Variants in SENP8 observed in about 807,000 individuals in gnomAD.
SENP8 encodes the protein SUMO peptidase family member, NEDD8 specific.
In SENP8, 10 loss-of-function variants were observed where a neutral mutation model predicts 14.4. The observed-to-expected ratio is 0.69, with a 90% CI of 0.43 to 1.18. The LOEUF (loss-of-function observed/expected upper bound fraction) is 1.18, where lower values mean the gene tolerates loss of function less well. Among genes scored for constraint, SENP8 ranks in the 50% most tolerant of loss-of-function variants. The probability of loss-of-function intolerance (pLI) is 0.00; values close to 1 mark genes in which losing one functional copy is unlikely to be tolerated. For synonymous variants in SENP8, 94 were observed against 95.5 expected, an observed-to-expected ratio of 0.98 and a Z score of 0.09; for missense variants, 202 against 249.4, an observed-to-expected ratio of 0.81 and a Z score of 1.28.
At chr15:72,131,147 T>C (rs779485701) in intron 1 of SENP8, among the ~76,000 whole-genome samples, 1 of 152,182 alleles carries the variant, frequency 6.6e-6, no homozygotes, top group Non-Finnish European at 1.5e-5. Context: ...AAGGATGCAG[T>C]GAGCTATAAT....
intron 1 of SENP8, among the ~76,000 whole-genome samples, chr15:72,126,389 C>T (rs1178716781): frequency 2.6e-5 from 4 of 151,690 alleles, no homozygotes; most frequent in Non-Finnish European, 4.4e-5. Context: ...GCTGAGAGGC[C>T]GAGGTGGGTG....
chr15:72,117,747 C>T (rs1295583019), upstream of SENP8: 1 of 397,824 alleles, frequency 2.5e-6, no homozygotes, highest in Admixed American at 4.4e-5. Context: ...CCACCCTCCG[C>T]CCCAGGGTAG....
At position 72,141,261 on chromosome 15, in the gene SENP8, G is replaced by T. The variant is rs866969550; in HGVS notation, c.*999G>T. The T allele has an allele frequency of 1.6e-4, 25 of 152,192 alleles. 1 individual carries two copies. The highest frequency in any genetic ancestry group is 9.8e-4 in the Admixed American group (15 of 15,284). The allele number at this position is 152,192 out of a possible 1,614,324, so 9.4% of individuals were successfully genotyped here. A position where few individuals can be genotyped will look rare whatever the true frequency, so the allele number is the denominator to read the frequency against. Reference sequence around the variant, plus strand: ...AACTTAACAGACTTAGAGTTGGTTTGTTTTTTAAATATAAAGGAAGAAAAG... The same window carrying T: ...AACTTAACAGACTTAGAGTTGGTTTTTTTTTTAAATATAAAGGAAGAAAAG... On this transcript the variant is annotated 3_prime_UTR_variant, in exon 2 of 2. Transcript: ENST00000340912.
intron 1 of SENP8, among the ~76,000 whole-genome samples, chr15:72,131,236 T>C (rs1464871226): frequency 6.6e-6 from 1 of 152,138 alleles, no homozygotes; most frequent in Non-Finnish European, 1.5e-5. Flanking sequence ...CATAGATGAT[T>C]CTAATATGCT....
chr15:72,121,722 CA>C (rs1018961520), intron 1 of SENP8, among the ~76,000 whole-genome samples: 3 of 152,032 alleles, frequency 2.0e-5, no homozygotes, highest in Non-Finnish European at 2.9e-5. Flanking sequence ...AGCCTGTCTC[CA>C]AAAAAAATCT....
Position 72,142,792 on chromosome 15 carries a change from G to A in SENP8, c.*2530G>A, listed in dbSNP as rs2081388565. On this transcript the variant is annotated 3_prime_UTR_variant, in exon 2 of 2. Coordinates refer to ENST00000340912, the MANE Select transcript of SENP8 (RefSeq NM_145204.4). The stretch of plus-strand genomic sequence containing the variant: ...AACCAGATCAGATAAAGTGGATTAT[G>A]TTTCTGATATGTACCTAATTATTTT... The A allele has an allele frequency of 6.6e-6, 1 of 152,198 alleles. No homozygotes were observed. The highest frequency in any genetic ancestry group is 2.4e-5 in the African/African-American group (1 of 41,448). The allele number at this position is 152,198 out of a possible 1,614,324, so 9.4% of individuals were successfully genotyped here.
rs1412741627 is a variant in SENP8, at chr15:72,140,919, AAG to A, written c.*658_*659del. 1 of 167,142 alleles carries A rather than the reference AAG, an allele frequency of 6.0e-6. No individual in the cohort carries two copies. The highest frequency in any genetic ancestry group is 6.5e-5 in the Admixed American group (1 of 15,286). The allele number at this position is 167,142 out of a possible 1,614,324, so 10.4% of individuals were successfully genotyped here. A position where few individuals can be genotyped will look rare whatever the true frequency, so the allele number is the denominator to read the frequency against. On this transcript the variant is annotated 3_prime_UTR_variant, in exon 2 of 2. Coordinates refer to ENST00000340912, the MANE Select transcript of SENP8 (RefSeq NM_145204.4). Reference sequence around the variant, plus strand: ...ATCTGATTCCTGGAATGCTTGAAGAAAGGGGAAATCTTGAGTAACCTCATTAA... The same window carrying A: ...ATCTGATTCCTGGAATGCTTGAAGAAGGGAAATCTTGAGTAACCTCATTAA...
At chr15:72,118,375 C>G (rs1238496231), upstream of SENP8, 1 of 164,710 alleles carries the variant, frequency 6.1e-6, no homozygotes, top group Non-Finnish European at 1.3e-5. Context: ...AGGTTGGGGA[C>G]GAAACCTCTG....
intron 1 of SENP8, among the ~76,000 whole-genome samples, chr15:72,123,628 C>T (rs1295818953): frequency 6.6e-6 from 1 of 151,890 alleles, no homozygotes; most frequent in Non-Finnish European, 1.5e-5. Context: ...ACAACCGCCA[C>T]CTCCTGGGTT....
At chr15:72,127,379 G>A (rs1161626458) in intron 1 of SENP8, among the ~76,000 whole-genome samples, 1 of 152,174 alleles carries the variant, frequency 6.6e-6, no homozygotes, top group African/African-American at 2.4e-5. Flanking sequence ...TGACTTAGTG[G>A]CATTTAAACT....
At chr15:72,118,102 G>A, upstream of SENP8, 3 of 390,842 alleles carry the variant, frequency 7.7e-6, no homozygotes, top group Non-Finnish European at 1.4e-5. Flanking sequence ...CCGCGCACGC[G>A]GCCCCGCCCC....
At chr15:72,118,134 C>A (rs1281586843), upstream of SENP8, 5 of 379,860 alleles carry the variant, frequency 1.3e-5, no homozygotes, top group Non-Finnish European at 2.3e-5. Context: ...CGGCTGCAGG[C>A]GAGCAGGCGC....
In SENP8 at chr15:72,125,830, A is replaced by G. The variant is rs544727228; in HGVS notation, c.-48+7366A>G. Reference sequence around the variant, plus strand: ...TTTTATTTATTTATTTATTTTATTTATTTATTTTTTTGAGATGGAGTCTCA... The same window carrying G: ...TTTTATTTATTTATTTATTTTATTTGTTTATTTTTTTGAGATGGAGTCTCA... On this transcript the variant is annotated intron_variant, in intron 1 of 1. Transcript: ENST00000340912. Among the ~76,000 whole-genome samples the G allele has an allele frequency of 5.3e-5, 8 of 151,322 alleles. No homozygotes were observed. The South Asian group carries it at 1.0e-3, about 20-fold the overall frequency.
chr15:72,137,446 T>C (rs1291186660), intron 1 of SENP8, among the ~76,000 whole-genome samples: 1 of 152,170 alleles, frequency 6.6e-6, no homozygotes, highest in Non-Finnish European at 1.5e-5. Flanking sequence ...TTCTAACTTA[T>C]ATTGTAAACA....
chr15:72,136,147 T>C (rs2081325727), intron 1 of SENP8, among the ~76,000 whole-genome samples: 1 of 152,228 alleles, frequency 6.6e-6, no homozygotes, highest in South Asian at 2.1e-4. Context: ...TAGGAAACAA[T>C]CCTGTCTGTT....
chr15:72,135,069 T>G, intron 1 of SENP8: 4 of 288,818 alleles, frequency 1.4e-5, no homozygotes, highest in Non-Finnish European at 2.8e-5. Flanking sequence ...GTTTGTTTTT[T>G]GTTTGTTTTT....
rs1284341578 is a variant in SENP8, at chr15:72,142,950, A to G, written c.*2688A>G. The G allele has an allele frequency of 6.6e-6, 1 of 152,384 alleles. No homozygotes were observed. The highest frequency in any genetic ancestry group is 1.9e-4 in the East Asian group (1 of 5,202). The allele number at this position is 152,384 out of a possible 1,614,324, so 9.4% of individuals were successfully genotyped here. Reference sequence around the variant, plus strand: ...AATGGCTCATGCCTGTAATCCCAGGACTTTGGGAGGCCAAGGCAGGCAGAT... The same window carrying G: ...AATGGCTCATGCCTGTAATCCCAGGGCTTTGGGAGGCCAAGGCAGGCAGAT... On this transcript the variant is annotated 3_prime_UTR_variant, in exon 2 of 2. Transcript: ENST00000340912.
At position 72,142,366 on chromosome 15, in the gene SENP8, A is replaced by C. The variant is rs2140531645; in HGVS notation, c.*2104A>C. 1 of 152,338 alleles carries C rather than the reference A, an allele frequency of 6.6e-6. No homozygotes were observed. Among genetic ancestry groups the C allele is most frequent in the East Asian group, 1.9e-4 (1 of 5,194 alleles). 9.4% of individuals were successfully genotyped at this position (152,338 alleles called of 1,614,324 possible). A position where few individuals can be genotyped will look rare whatever the true frequency, so the allele number is the denominator to read the frequency against. On this transcript the variant is annotated 3_prime_UTR_variant, in exon 2 of 2. Coordinates refer to ENST00000340912, the MANE Select transcript of SENP8 (RefSeq NM_145204.4). Reference sequence around the variant, plus strand: ...GATACTATAGTACCCGGTAAGTTACACACCTGCTTGACCACATACCATTCA... The same window carrying C: ...GATACTATAGTACCCGGTAAGTTACCCACCTGCTTGACCACATACCATTCA...
chr15:72,120,377 G>C (rs1355983201), intron 1 of SENP8, among the ~76,000 whole-genome samples: 1 of 152,168 alleles, frequency 6.6e-6, no homozygotes, highest in Non-Finnish European at 1.5e-5. Context: ...AGATAAGAAC[G>C]AGTTATTGTT....
Sources: allele counts gnomAD v4.1 joint callset (sites outside exome capture counted in the v4.1 genomes callset), GRCh38; gene constraint gnomAD v4.1.1; transcripts MANE v1.5; gene names NCBI Gene and HGNC (gene_info 2026-07-23, HGNC 2026-07-21).